Variants in CYP4F12 observed in about 807,000 individuals in gnomAD.
The protein encoded by CYP4F12 is cytochrome P450 family 4 subfamily F member 12, also known as cytochrome P450 4F12.
Under a neutral mutation model 56.5 loss-of-function variants are expected in CYP4F12, and 60 were observed. The observed-to-expected ratio is 1.06, with a 90% CI of 0.86 to 1.32. CYP4F12 has a LOEUF of 1.32. Ranked by LOEUF, CYP4F12 falls within the 40% of genes most tolerant of loss-of-function variation. CYP4F12 has a pLI of 0.00. For missense variants in CYP4F12, 711 were observed against 683.5 expected (o/e 1.04, Z -0.45); for synonymous variants, 263 against 264.9 (o/e 0.99, Z 0.07).
intron 2 of CYP4F12, among the ~76,000 whole-genome samples, chr19:15,677,417 T>C (rs1483861259): frequency 6.4e-3 from 35 of 5,482 alleles, no homozygotes; most frequent in African/African-American, 7.3e-3. Flanking sequence ...CTCACTCATT[T>C]CTCTCCTCAC....
chr19:15,696,267 C>G, intron 11 of CYP4F12, 42 bp downstream of exon 11: 1 of 1,612,776 alleles, frequency 6.2e-7, no homozygotes, highest in Non-Finnish European at 8.5e-7. Context: ...CCATCCTCTA[C>G]TTTTGTGTGT....
At chr19:15,678,506 A>G (rs62106481) in intron 3 of CYP4F12, 101 bp downstream of exon 3, 1,341,749 of 1,445,400 alleles carry the variant, frequency 0.93, 623,079 homozygotes, top group East Asian at 1. Flanking sequence ...CCTCATTGAG[A>G]CTTCCTTCTC....
intron 7 of CYP4F12, 54 bp from the exon 8 acceptor site, chr19:15,684,762 G>C: frequency 3.2e-6 from 1 of 313,206 alleles, no homozygotes; most frequent in Non-Finnish European, 5.8e-6. Flanking sequence ...TAATTTGTGT[G>C]TGTGTGTGTG....
rs11306327 is a variant in CYP4F12, at chr19:15,687,276, C to CA, written c.1115+2095dup. ...TGGGCAACAGAGTGAGACTCTTTCT[C>CA]AAAAAAAAAAAAAAAAGAGCTTCCT... On this transcript the variant is annotated intron_variant, in intron 9 of 12. Transcript: ENST00000550308. 5.8e-4 allele frequency among the ~76,000 whole-genome samples: 84 copies of CA among 146,070 alleles called. 1 individual carries two copies. The highest frequency in any genetic ancestry group is 1.6e-3 in the Admixed American group (23 of 14,726).
chr19:15,696,372 T>A, intron 11 of CYP4F12, 58 bp from the exon 12 acceptor site: 2 of 1,613,000 alleles, frequency 1.2e-6, no homozygotes, highest in Admixed American at 3.3e-5. Flanking sequence ...CAAGTGTCTC[T>A]CCAAGGCTGC....
chr19:15,693,240 T>C (rs2144761750), intron 9 of CYP4F12, among the ~76,000 whole-genome samples: 1 of 152,330 alleles, frequency 6.6e-6, no homozygotes, highest in East Asian at 1.9e-4. Flanking sequence ...GAGTGAATTA[T>C]GTTTTATAGT....
intron 7 of CYP4F12, 24 bp from the exon 8 acceptor site, chr19:15,684,791 TG>T (rs2007512504): frequency 7.0e-7 from 1 of 1,427,880 alleles, no homozygotes; most frequent in Non-Finnish European, 9.8e-7. Context: ...TGTGTGTGTG[TG>T]TGTGTGTCTT....
At position 15,673,093 on chromosome 19, in the gene CYP4F12, AGAG is replaced by A. The variant is rs766556771; in HGVS notation, c.-40_-38del. The A allele has an allele frequency of 3.1e-4, 114 of 362,820 alleles. No individual in the cohort carries two copies. The highest frequency in any genetic ancestry group is 7.8e-4 in the Admixed American group (21 of 26,950). The allele number at this position is 362,820 out of a possible 1,614,324, so 22.5% of individuals were successfully genotyped here. On this transcript the variant is annotated 5_prime_UTR_variant, in exon 1 of 13. Transcript: ENST00000550308. ...CCAGGGCCAAAGACCTCCCAGCAGA[AGAG>A]GAGAAGAGGTTGTGTGGGACAAGCT...
At position 15,695,933 on chromosome 19, in the gene CYP4F12, T is replaced by C; in HGVS notation, c.1116-3T>C. Reference sequence around the variant, plus strand: ...AATGACTGGGGCTGGGGTGTTTCCTTAGGGACGACCTGGCCCAGCTGCCCT... The same window carrying C: ...AATGACTGGGGCTGGGGTGTTTCCTCAGGGACGACCTGGCCCAGCTGCCCT... On this transcript the variant is annotated splice_region_variant and splice_polypyrimidine_tract_variant and intron_variant, in intron 9 of 12. Transcript: ENST00000550308. 6.2e-7 allele frequency: 1 copy of C among 1,612,016 alleles called. No homozygotes were observed. The highest frequency in any genetic ancestry group is 1.1e-5 in the South Asian group (1 of 90,840).
chr19:15,694,296 T>C (rs7257102), intron 9 of CYP4F12, among the ~76,000 whole-genome samples: 42,755 of 151,684 alleles, frequency 0.28, 6,540 homozygotes, highest in African/African-American at 0.39. Flanking sequence ...GCCATTTTCA[T>C]GATATTGATT....
At chr19:15,691,856 A>G (rs2007885605) in intron 9 of CYP4F12, among the ~76,000 whole-genome samples, 1 of 152,124 alleles carries the variant, frequency 6.6e-6, no homozygotes, top group Non-Finnish European at 1.5e-5. Flanking sequence ...GCAGATGGGA[A>G]GTTTCCACTT....
rs776057958 is a variant in CYP4F12 at position 15,673,535 on chromosome 19, G to C, written c.6G>C (p.Ser2=). 1 of 1,613,226 alleles carries C rather than the reference G, an allele frequency of 6.2e-7. No homozygotes were observed. Among genetic ancestry groups the C allele is most frequent in the East Asian group, 2.2e-5 (1 of 44,858 alleles). ...CATCCCCTCTGCCCTGCAGGATGTC[G>C]CTGCTGAGCCTGCCCTGGCTGGGCC... M[S]LLSLPWLGLR... The change falls in exon 2 of 13, where the codon TCG becomes TCC. Residue 2 remains serine (S), a synonymous_variant. Coordinates refer to ENST00000550308, the MANE Select transcript of CYP4F12 (RefSeq NM_023944.4).
At chr19:15,692,058 A>G (rs965533066) in intron 9 of CYP4F12, among the ~76,000 whole-genome samples, 1 of 152,034 alleles carries the variant, frequency 6.6e-6, no homozygotes, top group African/African-American at 2.4e-5. Flanking sequence ...TCTCTGGTTC[A>G]AGCTATTCTC....
chr19:15,695,964 A>T lies in CYP4F12; in HGVS notation c.1144A>T (p.Thr382Ser), dbSNP rs764583862. The change falls in exon 10 of 13, where the codon ACC becomes TCC. Residue 382 changes from threonine to serine, a missense_variant. Coordinates refer to ENST00000550308, the MANE Select transcript of CYP4F12 (RefSeq NM_023944.4). Reference sequence around the variant, plus strand: ...CGACCTGGCCCAGCTGCCCTTCCTGACCATGTGCGTGAAGGAGAGCCTGAG... The same window carrying T: ...CGACCTGGCCCAGCTGCCCTTCCTGTCCATGTGCGTGAAGGAGAGCCTGAG... The part of the protein sequence containing the change: ...WDDLAQLPFL[T>S]MCVKESLRLH... The T allele has an allele frequency of 1.2e-6, 2 of 1,613,736 alleles. No homozygotes were observed. Among genetic ancestry groups the T allele is most frequent in the Admixed American group, 3.3e-5 (2 of 59,954 alleles).
intron 3 of CYP4F12, among the ~76,000 whole-genome samples, chr19:15,679,315 GTC>G (rs1241834525): frequency 6.6e-6 from 1 of 152,232 alleles, no homozygotes. Context: ...GAATCCAGGT[GTC>G]AATGAACATT....
chr19:15,677,072 C>T (rs1163124924), intron 2 of CYP4F12, among the ~76,000 whole-genome samples: 1 of 144,814 alleles, frequency 6.9e-6, no homozygotes, highest in Non-Finnish European at 1.5e-5. Flanking sequence ...CATTCCTGTC[C>T]TCACTCACTC....
Position 15,678,312 on chromosome 19 carries a change from T to C in CYP4F12, c.250T>C (p.Tyr84His). ...GAACTCGACCCAGATGTCGGCCACC[T>C]ATTCCCAGGGCTTTACGGTATGGCT... ...LKNSTQMSAT[Y>H]SQGFTVWLGP... is the part of the protein sequence containing the mutation. Residue 84 changes from tyrosine to histidine, a missense_variant, in exon 3 of 13, where the codon TAT becomes CAT. By Grantham distance (83) the Tyr-to-His change is moderately conservative. Coordinates refer to ENST00000550308, the MANE Select transcript of CYP4F12 (RefSeq NM_023944.4). 1 of 1,614,206 alleles carries C rather than the reference T, an allele frequency of 6.2e-7. No individual in the cohort carries two copies. Among genetic ancestry groups the C allele is most frequent in the Non-Finnish European group, 8.5e-7 (1 of 1,180,026 alleles).
intron 9 of CYP4F12, among the ~76,000 whole-genome samples, chr19:15,693,631 T>G (rs563904299): frequency 8.6e-4 from 129 of 149,930 alleles, no homozygotes; most frequent in African/African-American, 3.0e-3. Context: ...TCTCCCATTT[T>G]GTACGTTGCC....
intron 9 of CYP4F12, among the ~76,000 whole-genome samples, chr19:15,693,342 T>C (rs941472247): frequency 6.6e-6 from 1 of 152,188 alleles, no homozygotes; most frequent in African/African-American, 2.4e-5. Flanking sequence ...ATTCAGCTCC[T>C]TTGCTTGATC....
Sources: allele counts gnomAD v4.1 joint callset (sites outside exome capture counted in the v4.1 genomes callset), GRCh38; gene constraint gnomAD v4.1.1; transcripts MANE v1.5; gene names NCBI Gene and HGNC (gene_info 2026-07-23, HGNC 2026-07-21).